The following RASSF6 variants were observed in gnomAD, a reference collection of about 807,000 sequenced individuals.
RASSF6 encodes Ras association domain family member 6, also known as ras association domain-containing protein 6.
A neutral mutation model predicts 44.0 loss-of-function variants in RASSF6; 52 were observed. The ratio of observed to expected loss-of-function variants is 1.18; its 90% CI spans 0.95 to 1.49. The LOEUF is 1.49. Ranked by LOEUF, RASSF6 falls within the 40% of genes most tolerant of loss-of-function variation. The probability of loss-of-function intolerance (pLI) is 0.00; values close to 1 mark genes in which losing one functional copy is unlikely to be tolerated. For synonymous variants in RASSF6, 162 were observed against 124.6 expected, an observed-to-expected ratio of 1.30 and a Z score of -2.00; for missense variants, 464 against 393.3, an observed-to-expected ratio of 1.18 and a Z score of -1.52.
intron 2 of RASSF6, among the ~76,000 whole-genome samples, chr4:73,605,523 A>C (rs188815343): frequency 4.6e-5 from 7 of 152,334 alleles, no homozygotes; most frequent in African/African-American, 1.7e-4. Flanking sequence ...ATCTGGTTCA[A>C]ATGATGAAGA....
intron 8 of RASSF6, among the ~76,000 whole-genome samples, chr4:73,579,016 A>G (rs1723434676): frequency 6.6e-6 from 1 of 152,154 alleles, no homozygotes; most frequent in East Asian, 1.9e-4. Context: ...TAGTCATAAG[A>G]CCATATATAC....
intron 2 of RASSF6, among the ~76,000 whole-genome samples, chr4:73,606,980 C>T (rs1305171960): frequency 2.0e-5 from 3 of 152,144 alleles, no homozygotes; most frequent in Admixed American, 6.5e-5. Flanking sequence ...AGCCTGAAAA[C>T]GGGAGACTTC....
intron 6 of RASSF6, among the ~76,000 whole-genome samples, chr4:73,584,557 G>A (rs1268497870): frequency 1.3e-5 from 2 of 152,134 alleles, no homozygotes; most frequent in African/African-American, 4.8e-5. Context: ...ATGTGTATAG[G>A]TAAAAGACCT....
At chr4:73,578,403 A>G (rs1466003292) in intron 8 of RASSF6, among the ~76,000 whole-genome samples, 2 of 152,040 alleles carry the variant, frequency 1.3e-5, no homozygotes, top group Non-Finnish European at 2.9e-5. Flanking sequence ...TCTTAATAAA[A>G]CTGCTTTTTT....
At position 73,616,907 on chromosome 4, in the gene RASSF6, T is replaced by A. The variant is rs567284726; in HGVS notation, c.-35+3381A>T. ...TGGAGTAGAGAAGAGCAGAGTTATATGCAATTACATCACTTCAAGAAAATG... is the reference window on the plus strand; with the variant it reads ...TGGAGTAGAGAAGAGCAGAGTTATAAGCAATTACATCACTTCAAGAAAATG... On this transcript the variant is annotated intron_variant, in intron 1 of 10. Transcript: ENST00000307439. 2.0e-5 allele frequency among the ~76,000 whole-genome samples: 3 copies of A among 152,342 alleles called. No homozygotes were observed. The South Asian group carries it at 6.2e-4, about 32-fold the overall frequency.
At position 73,577,842 on chromosome 4, in the gene RASSF6, C is replaced by T. The variant is rs182615426; in HGVS notation, c.722-1111G>A. ...ATTATGATGATGATTATTAAAAATG[C>T]ATATTCCTAGAGTTGTCCCCTGATC... On this transcript the variant is annotated intron_variant, in intron 8 of 10. Coordinates refer to ENST00000307439, the MANE Select transcript of RASSF6 (RefSeq NM_177532.5). Among the ~76,000 whole-genome samples the T allele has an allele frequency of 1.1e-4, 16 of 152,244 alleles. No individual in the cohort carries two copies. The East Asian group carries it at 2.3e-3, about 22-fold the overall frequency.
rs771616493 is a variant in RASSF6 at position 73,615,879 on chromosome 4, G to A, written c.-34-4050C>T. The A allele has an allele frequency of 5.8e-6, 9 of 1,549,626 alleles. No homozygotes were observed. The South Asian group carries it at 9.5e-5, about 16-fold the overall frequency. ...TGCATTCCTGCCTAGAGGTGGGCTTGCCTGGACTTACCAGTTGCCTTGTGA... is the reference window on the plus strand; with the variant it reads ...TGCATTCCTGCCTAGAGGTGGGCTTACCTGGACTTACCAGTTGCCTTGTGA... On this transcript the variant is annotated intron_variant, in intron 1 of 10. Transcript: ENST00000307439.
chr4:73,583,670 T>C (rs1723847178), intron 6 of RASSF6, among the ~76,000 whole-genome samples: 1 of 152,166 alleles, frequency 6.6e-6, no homozygotes, highest in Admixed American at 6.6e-5. Flanking sequence ...AGTTATTAAA[T>C]TGCAGTGAAT....
In RASSF6 at chr4:73,576,656, C is replaced by A. The variant is rs145420998; in HGVS notation, c.797G>T (p.Arg266Leu). 2.7e-5 allele frequency: 44 copies of A among 1,613,412 alleles called. No individual in the cohort carries two copies. The highest frequency in any genetic ancestry group is 3.6e-5 in the Non-Finnish European group (42 of 1,179,606). Residue 266 changes from arginine to leucine, a missense_variant, in exon 9 of 11, where the codon CGC becomes CTC. Transcript: ENST00000307439. ...LLQGPSEKNA[R>L]IFLMDKDAEE... ...TGCATCTTTATCCATGAGGAAAATG[C>A]GAGCATTCTTTTCAGAAGGTCCCTG...
intron 1 of RASSF6, chr4:73,615,821 CAATGCTGGAACGT>C (rs750660387): frequency 3.1e-6 from 4 of 1,281,214 alleles, no homozygotes; most frequent in Non-Finnish European, 4.4e-6. Context: ...AGCGTTCCAG[CAATGCTGGAACGT>C]GGTTCACCTC....
At position 73,589,442 on chromosome 4, in the gene RASSF6, C is replaced by A. The variant is rs537003054; in HGVS notation, c.288-1508G>T. 4.0e-5 allele frequency among the ~76,000 whole-genome samples: 6 copies of A among 151,756 alleles called. No homozygotes were observed. The South Asian group carries it at 1.2e-3, about 32-fold the overall frequency. ...AACAGAAACTAAAAATGCAAAGTAA[C>A]CTGATGCTATGTCATAGGGCTAAAG... On this transcript the variant is annotated intron_variant, in intron 4 of 10. Coordinates refer to ENST00000307439, the MANE Select transcript of RASSF6 (RefSeq NM_177532.5).
chr4:73,614,714 A>T (rs1726232722), intron 1 of RASSF6, among the ~76,000 whole-genome samples: 1 of 152,240 alleles, frequency 6.6e-6, no homozygotes, highest in Non-Finnish European at 1.5e-5. Flanking sequence ...CACACTGTTG[A>T]TCTATGCTGA....
chr4:73,608,389 T>C (rs1404356728), intron 2 of RASSF6, among the ~76,000 whole-genome samples: 2 of 152,158 alleles, frequency 1.3e-5, no homozygotes, highest in Non-Finnish European at 2.9e-5. Flanking sequence ...TGACAATATA[T>C]GCTTATTGAA....
chr4:73,584,513 A>T (rs941246564), intron 6 of RASSF6, among the ~76,000 whole-genome samples: 7 of 152,220 alleles, frequency 4.6e-5, no homozygotes, highest in African/African-American at 1.7e-4. Flanking sequence ...TGTGAATTGT[A>T]TCTAAACTAC....
intron 2 of RASSF6, among the ~76,000 whole-genome samples, chr4:73,607,524 G>A (rs2149393667): frequency 6.6e-6 from 1 of 152,160 alleles, no homozygotes; most frequent in South Asian, 2.1e-4. Flanking sequence ...TTTAAACTAG[G>A]GCTTTGTTCT....
intron 3 of RASSF6, among the ~76,000 whole-genome samples, chr4:73,597,813 C>G (rs898314949): frequency 1.3e-5 from 2 of 152,134 alleles, no homozygotes; most frequent in Non-Finnish European, 2.9e-5. Flanking sequence ...AAGGCCATGT[C>G]CTTTGCAGGG....
intron 2 of RASSF6, among the ~76,000 whole-genome samples, chr4:73,601,787 T>A (rs1470129528): frequency 6.6e-6 from 1 of 152,260 alleles, no homozygotes; most frequent in East Asian, 1.9e-4. Context: ...AATGTATGTC[T>A]GTAACATTCT....
At chr4:73,615,767 A>G (rs373757220) in intron 1 of RASSF6, 9 of 749,970 alleles carry the variant, frequency 1.2e-5, no homozygotes, top group Admixed American at 7.4e-5. Context: ...GAACAAGCCA[A>G]TGAGATCTGG....
chr4:73,603,584 C>T lies in RASSF6; in HGVS notation c.66-4866G>A, dbSNP rs75858105. 7.2e-3 allele frequency among the ~76,000 whole-genome samples: 1,099 copies of T among 152,236 alleles called. 17 individuals are homozygous for T. The highest frequency in any genetic ancestry group is 0.025 in the African/African-American group (1,028 of 41,544). ...TGGACCCAGAGTTTACTGTAAAATGCTCTGGTGTACTTTGTACTTTGTGGC... is the reference window on the plus strand; with the variant it reads ...TGGACCCAGAGTTTACTGTAAAATGTTCTGGTGTACTTTGTACTTTGTGGC... On this transcript the variant is annotated intron_variant, in intron 2 of 10. Coordinates refer to ENST00000307439, the MANE Select transcript of RASSF6 (RefSeq NM_177532.5).
Sources: gnomAD v4.1 joint callset for allele counts (sites outside exome capture counted in the v4.1 genomes callset) on GRCh38, gnomAD v4.1.1 for gene constraint, MANE v1.5 for transcripts, NCBI Gene and HGNC (gene_info 2026-07-23, HGNC 2026-07-21) for gene names.